The following SUGCT variants were observed in gnomAD, a reference collection of about 807,000 sequenced individuals.
SUGCT encodes succinyl-CoA:glutarate-CoA transferase, also known as succinyl-CoA:glutarate CoA-transferase.
SUGCT carries 41 observed loss-of-function variants against 55.0 expected under a neutral mutation model. The observed-to-expected ratio is 0.74, with a 90% CI of 0.58 to 0.97. The LOEUF (loss-of-function observed/expected upper bound fraction) is 0.97, where lower values mean the gene tolerates loss of function less well. SUGCT is among the 50% of genes least tolerant of loss of function. SUGCT has a pLI of 0.00. For synonymous variants in SUGCT, 187 were observed against 200.4 expected (o/e 0.93, Z 0.56); for missense variants, 568 against 547.8 (o/e 1.04, Z -0.37).
At chr7:40,726,449 G>T (rs1786616273) in intron 12 of SUGCT, among the ~76,000 whole-genome samples, 1 of 152,092 alleles carries the variant, frequency 6.6e-6, no homozygotes, top group Non-Finnish European at 1.5e-5. Context: ...AGAAAGAAGG[G>T]GTTGGTCTTG....
At chr7:40,139,380 A>G (rs1375999664) in intron 1 of SUGCT, among the ~76,000 whole-genome samples, 3 of 152,092 alleles carry the variant, frequency 2.0e-5, no homozygotes, top group Non-Finnish European at 2.9e-5. Flanking sequence ...TATTTTTAGC[A>G]GAGACGGGGG....
chr7:40,340,322 G>A (rs1043693962), intron 9 of SUGCT, among the ~76,000 whole-genome samples: 1 of 151,740 alleles, frequency 6.6e-6, no homozygotes, highest in Non-Finnish European at 1.5e-5. Context: ...ATTGTAATAA[G>A]GCTCACAACT....
intron 13 of SUGCT, among the ~76,000 whole-genome samples, chr7:40,819,621 T>C (rs1005297647): frequency 5.3e-5 from 8 of 152,226 alleles, no homozygotes; most frequent in Non-Finnish European, 7.3e-5. Flanking sequence ...TTTTTTCTTG[T>C]AAATTTGTTT....
chr7:40,537,680 C>A (rs542414257), intron 12 of SUGCT, among the ~76,000 whole-genome samples: 1 of 152,218 alleles, frequency 6.6e-6, no homozygotes, highest in Admixed American at 6.5e-5. Flanking sequence ...TAACAGAGAT[C>A]GTAAAGATTT....
At chr7:40,190,490 C>G (rs186316833) in intron 5 of SUGCT, among the ~76,000 whole-genome samples, 7 of 152,254 alleles carry the variant, frequency 4.6e-5, no homozygotes, top group Non-Finnish European at 5.9e-5. Flanking sequence ...TTCAAGTGAT[C>G]TGCCTACCTT....
At chr7:40,684,236 A>C in intron 12 of SUGCT, 2 of 1,421,028 alleles carry the variant, frequency 1.4e-6, no homozygotes, top group South Asian at 3.5e-5. Flanking sequence ...AATTACATCC[A>C]TACTTATTCA....
intron 9 of SUGCT, among the ~76,000 whole-genome samples, chr7:40,325,433 G>GT (rs1412823444): frequency 2.6e-5 from 4 of 152,034 alleles, no homozygotes; most frequent in Admixed American, 2.0e-4. Flanking sequence ...CAACAGACAT[G>GT]TACTATGTAG....
At chr7:40,800,806 C>T (rs1313261420) in intron 13 of SUGCT, among the ~76,000 whole-genome samples, 1 of 152,134 alleles carries the variant, frequency 6.6e-6, no homozygotes, top group Non-Finnish European at 1.5e-5. Context: ...AAAGTGTCTA[C>T]TATACTTCAG....
intron 12 of SUGCT, among the ~76,000 whole-genome samples, chr7:40,641,669 G>C (rs761710680): frequency 2.0e-5 from 3 of 152,184 alleles, no homozygotes; most frequent in Non-Finnish European, 2.9e-5. Flanking sequence ...TGACACACTT[G>C]AGTTATGGCC....
chr7:40,898,402 G>A, the SUGCT span, among the ~76,000 whole-genome samples: 3 of 142,226 alleles, frequency 2.1e-5, no homozygotes, highest in Admixed American at 7.8e-5. Flanking sequence ...AAGAAACTCC[G>A]GACACATCAT....
chr7:40,722,493 T>G (rs1251727622), intron 12 of SUGCT, among the ~76,000 whole-genome samples: 1 of 152,182 alleles, frequency 6.6e-6, no homozygotes, highest in African/African-American at 2.4e-5. Flanking sequence ...ACAGTCAGTT[T>G]TAGACCAAAT....
chr7:40,285,136 TTTC>T (rs1215524219), intron 8 of SUGCT, among the ~76,000 whole-genome samples: 1 of 152,160 alleles, frequency 6.6e-6, no homozygotes, highest in Non-Finnish European at 1.5e-5. Context: ...GTAACTTAAT[TTTC>T]TTATTAGATA....
chr7:40,974,848 C>CT, the SUGCT span, among the ~76,000 whole-genome samples: 22 of 152,226 alleles, frequency 1.4e-4, no homozygotes, highest in East Asian at 4.1e-3. Context: ...CTATAATGAA[C>CT]ATTTTTTTCA....
chr7:40,356,705 G>A (rs537882433), intron 9 of SUGCT, among the ~76,000 whole-genome samples: 3 of 152,112 alleles, frequency 2.0e-5, no homozygotes, highest in African/African-American at 2.4e-5. Flanking sequence ...AGCAGATTCC[G>A]CTTAAGTTGT....
chr7:40,543,118 A>T (rs529730912), intron 12 of SUGCT, among the ~76,000 whole-genome samples: 1 of 152,264 alleles, frequency 6.6e-6, no homozygotes, highest in South Asian at 2.1e-4. Context: ...TCTGTTTTTA[A>T]TTTATGCCTT....
the SUGCT span, among the ~76,000 whole-genome samples, chr7:41,036,011 AGATGAGCG>A: frequency 6.6e-6 from 1 of 152,242 alleles, no homozygotes; most frequent in Non-Finnish European, 1.5e-5. Flanking sequence ...TTCAACAGAC[AGATGAGCG>A]TCTTTGTTCA....
At chr7:40,357,249 T>C (rs1179299498) in intron 9 of SUGCT, among the ~76,000 whole-genome samples, 2 of 152,216 alleles carry the variant, frequency 1.3e-5, no homozygotes. Flanking sequence ...GTACCCAATT[T>C]GGCAGTTATT....
At chr7:40,536,000 C>T (rs1279917859) in intron 12 of SUGCT, among the ~76,000 whole-genome samples, 1 of 152,102 alleles carries the variant, frequency 6.6e-6, no homozygotes, top group Non-Finnish European at 1.5e-5. Flanking sequence ...ACCTTTTGCC[C>T]ATTTTTTGAT....
intron 12 of SUGCT, among the ~76,000 whole-genome samples, chr7:40,531,600 A>G (rs1794090911): frequency 1.4e-5 from 2 of 147,230 alleles, no homozygotes; most frequent in South Asian, 2.1e-4. Flanking sequence ...GTTCCTATCT[A>G]TCTTCACAGC....
Sources: allele counts gnomAD v4.1 joint callset (sites outside exome capture counted in the v4.1 genomes callset), GRCh38; gene constraint gnomAD v4.1.1; transcripts MANE v1.5; gene names NCBI Gene and HGNC (gene_info 2026-07-23, HGNC 2026-07-21).